ITGA11: variants seen among roughly 807,000 people sequenced by gnomAD.
ITGA11 encodes the protein integrin subunit alpha 11.
Under a neutral mutation model 141.9 loss-of-function variants are expected in ITGA11, and 97 were observed. The observed-to-expected ratio is 0.68, with a 90% CI of 0.58 to 0.81. ITGA11 has a LOEUF of 0.81. ITGA11 is among the 30% of genes least tolerant of loss of function. The pLI is 0.00. For synonymous variants in ITGA11, 658 were observed against 624.6 expected (o/e 1.05, Z -0.80); for missense variants, 1,387 against 1,559.2 (o/e 0.89, Z 1.86).
intron 8 of ITGA11, 101 bp downstream of exon 8, chr15:68,351,157 A>G: frequency 3.8e-6 from 5 of 1,300,078 alleles, no homozygotes; most frequent in Non-Finnish European, 4.2e-6. Flanking sequence ...GGGCCTGGAC[A>G]CTTGTGATAC....
chr15:68,317,241 C>A, intron 21 of ITGA11, 24 bp downstream of exon 21: 2 of 1,551,718 alleles, frequency 1.3e-6, no homozygotes, highest in Non-Finnish European at 1.8e-6. Flanking sequence ...CCTGACCCTC[C>A]CCCACATTGT....
At chr15:68,430,988 C>A (rs1897254763) in intron 1 of ITGA11, among the ~76,000 whole-genome samples, 1 of 152,244 alleles carries the variant, frequency 6.6e-6, no homozygotes, top group Admixed American at 6.5e-5. Context: ...CTGGCCCCAG[C>A]TCGGGCCTGG....
At chr15:68,330,888 A>C in intron 15 of ITGA11, 93 bp downstream of exon 15, 1 of 1,479,384 alleles carries the variant, frequency 6.8e-7, no homozygotes, top group South Asian at 1.2e-5. Flanking sequence ...GTTAAAGACA[A>C]GAGACAAAGA....
chr15:68,363,799 A>G (rs1895329350), intron 4 of ITGA11, among the ~76,000 whole-genome samples: 1 of 152,216 alleles, frequency 6.6e-6, no homozygotes, highest in African/African-American at 2.4e-5. Flanking sequence ...GGTGGCAAGG[A>G]GCAGGCAGTG....
At chr15:68,372,992 TGTTA>T (rs1895634157) in intron 2 of ITGA11, among the ~76,000 whole-genome samples, 2 of 152,234 alleles carry the variant, frequency 1.3e-5, no homozygotes, top group South Asian at 4.1e-4. Flanking sequence ...GTATATTAAA[TGTTA>T]GTAATTCTAT....
At chr15:68,415,229 T>G (rs1243593529) in intron 1 of ITGA11, among the ~76,000 whole-genome samples, 1 of 152,226 alleles carries the variant, frequency 6.6e-6, no homozygotes, top group Non-Finnish European at 1.5e-5. Flanking sequence ...CTGGCCTTCC[T>G]CATCTCTGGA....
intron 1 of ITGA11, among the ~76,000 whole-genome samples, chr15:68,418,546 C>A (rs1267221630): frequency 1.3e-5 from 2 of 151,954 alleles, no homozygotes; most frequent in Admixed American, 6.6e-5. Flanking sequence ...TTTATGTACA[C>A]CTTTATCACT....
At chr15:68,337,644 T>C (rs915717206) in intron 11 of ITGA11, among the ~76,000 whole-genome samples, 1 of 152,130 alleles carries the variant, frequency 6.6e-6, no homozygotes, top group Non-Finnish European at 1.5e-5. Flanking sequence ...CAGGGTCTTC[T>C]GGGAGGGGAA....
At chr15:68,359,965 T>C (rs1445000538) in intron 5 of ITGA11, among the ~76,000 whole-genome samples, 2 of 152,230 alleles carry the variant, frequency 1.3e-5, no homozygotes, top group Non-Finnish European at 2.9e-5. Flanking sequence ...AGGCACTATG[T>C]TGAAGTCAGT....
intron 7 of ITGA11, among the ~76,000 whole-genome samples, chr15:68,354,703 G>T (rs1895017013): frequency 6.6e-6 from 1 of 152,198 alleles, no homozygotes; most frequent in East Asian, 1.9e-4. Flanking sequence ...GTTCTCCTTG[G>T]CCACTCCATG....
intron 2 of ITGA11, among the ~76,000 whole-genome samples, chr15:68,370,981 T>C (rs8030943): frequency 0.79 from 120,919 of 152,182 alleles, 48,447 homozygotes; most frequent in East Asian, 1. Flanking sequence ...GTGGGAGTTA[T>C]AGAACTCTGT....
At chr15:68,414,963 G>GAGAA (rs1480717860) in intron 1 of ITGA11, among the ~76,000 whole-genome samples, 2 of 152,198 alleles carry the variant, frequency 1.3e-5, no homozygotes, top group African/African-American at 4.8e-5. Flanking sequence ...CTGTGCTCTA[G>GAGAA]AGAAAACTTA....
chr15:68,323,457 G>A (rs913931133), intron 18 of ITGA11, among the ~76,000 whole-genome samples: 2 of 152,174 alleles, frequency 1.3e-5, no homozygotes, highest in Admixed American at 1.3e-4. Context: ...AATAATATGG[G>A]ATGGCTCACT....
intron 1 of ITGA11, among the ~76,000 whole-genome samples, chr15:68,414,574 G>T (rs989782143): frequency 6.6e-6 from 1 of 152,166 alleles, no homozygotes; most frequent in Admixed American, 6.5e-5. Context: ...GGGCCAGGTG[G>T]TCTACAAACA....
chr15:68,412,407 C>T (rs866397109), intron 1 of ITGA11, among the ~76,000 whole-genome samples: 3 of 152,122 alleles, frequency 2.0e-5, no homozygotes, highest in South Asian at 4.2e-4. Context: ...AGCCATACAC[C>T]GGGCCTGATG....
At chr15:68,386,742 T>C (rs565594587) in intron 2 of ITGA11, among the ~76,000 whole-genome samples, 36 of 152,280 alleles carry the variant, frequency 2.4e-4, no homozygotes, top group Non-Finnish European at 4.9e-4. Flanking sequence ...GCTGCTCTTG[T>C]ACCCTTCTCT....
chr15:68,316,946 G>A (rs1297144610), intron 21 of ITGA11, among the ~76,000 whole-genome samples: 1 of 152,188 alleles, frequency 6.6e-6, no homozygotes, highest in Non-Finnish European at 1.5e-5. Context: ...ACACAGCACA[G>A]TGGCAGAGGC....
At chr15:68,425,671 G>A (rs1056179400) in intron 1 of ITGA11, among the ~76,000 whole-genome samples, 5 of 152,190 alleles carry the variant, frequency 3.3e-5, no homozygotes, top group Non-Finnish European at 7.3e-5. Context: ...CATTGGGAGT[G>A]CTCTTTGCAG....
chr15:68,359,221 C>T (rs2140344712), intron 5 of ITGA11, among the ~76,000 whole-genome samples: 1 of 151,804 alleles, frequency 6.6e-6, no homozygotes, highest in South Asian at 2.1e-4. Flanking sequence ...ATCATGGTTT[C>T]ACTTTTTATT....
Sources: gnomAD v4.1 joint callset for allele counts (sites outside exome capture counted in the v4.1 genomes callset) on GRCh38, gnomAD v4.1.1 for gene constraint, MANE v1.5 for transcripts, NCBI Gene and HGNC (gene_info 2026-07-23, HGNC 2026-07-21) for gene names.